PREX2: variants seen among roughly 807,000 people sequenced by gnomAD.
PREX2 encodes phosphatidylinositol-3,4,5-trisphosphate dependent Rac exchange factor 2.
In PREX2, 107 loss-of-function variants were observed where a neutral mutation model predicts 203.2. The ratio of observed to expected loss-of-function variants is 0.53; its 90% CI spans 0.45 to 0.62. PREX2 has a LOEUF of 0.62. PREX2 is among the 20% of genes least tolerant of loss of function. PREX2 has a pLI of 0.00. For missense variants in PREX2, 1,777 were observed against 1,955.9 expected (o/e 0.91, Z 1.72); for synonymous variants, 672 against 663.6 (o/e 1.01, Z -0.19).
intron 8 of PREX2, among the ~76,000 whole-genome samples, chr8:68,047,469 T>TATA (rs1808386566): frequency 8.5e-6 from 1 of 117,632 alleles, no homozygotes; most frequent in African/African-American, 3.2e-5. Context: ...ATGGATGAAT[T>TATA]TATATATATA....
chr8:68,121,902 C>T (rs1015812715), intron 30 of PREX2, among the ~76,000 whole-genome samples: 2 of 152,036 alleles, frequency 1.3e-5, no homozygotes, highest in East Asian at 3.8e-4. Context: ...GTGCTAAGGT[C>T]GAGAAACCCA....
chr8:68,227,554 C>T (rs1176158146), intron 39 of PREX2, among the ~76,000 whole-genome samples: 1 of 152,110 alleles, frequency 6.6e-6, no homozygotes, highest in Non-Finnish European at 1.5e-5. Flanking sequence ...TCCTATGAGT[C>T]TTCGATATTT....
intron 1 of PREX2, among the ~76,000 whole-genome samples, chr8:67,957,115 C>T (rs1805512593): frequency 6.6e-6 from 1 of 152,212 alleles, no homozygotes; most frequent in African/African-American, 2.4e-5. Context: ...AGAGCCATGC[C>T]TATGATCATC....
chr8:68,158,431 A>C (rs1483247848), intron 35 of PREX2, among the ~76,000 whole-genome samples: 1 of 152,112 alleles, frequency 6.6e-6, no homozygotes, highest in East Asian at 1.9e-4. Context: ...CATAGATTCA[A>C]ATTGCTCTGA....
intron 21 of PREX2, among the ~76,000 whole-genome samples, chr8:68,096,803 T>A (rs1373315061): frequency 6.6e-6 from 1 of 152,192 alleles, no homozygotes; most frequent in African/African-American, 2.4e-5. Context: ...AGACTAGTCA[T>A]GTTAGAGTGC....
intron 18 of PREX2, among the ~76,000 whole-genome samples, chr8:68,086,602 C>T (rs776426257): frequency 9.9e-5 from 15 of 152,146 alleles, no homozygotes; most frequent in East Asian, 3.8e-4. Context: ...GATGTTCCCT[C>T]GCATCTTGCA....
intron 1 of PREX2, among the ~76,000 whole-genome samples, chr8:67,978,134 C>G (rs1310616715): frequency 6.6e-6 from 1 of 152,176 alleles, no homozygotes; most frequent in Non-Finnish European, 1.5e-5. Flanking sequence ...GAATCTGACG[C>G]TATCTGTCCA....
chr8:68,202,193 C>T (rs138745743), intron 37 of PREX2, among the ~76,000 whole-genome samples: 214 of 152,246 alleles, frequency 1.4e-3, no homozygotes, highest in African/African-American at 4.9e-3. Flanking sequence ...AGCCACTGCC[C>T]CCAGCCAGGT....
chr8:68,093,802 T>C (rs896554190), intron 21 of PREX2, 80 bp downstream of exon 21: 6 of 665,172 alleles, frequency 9.0e-6, no homozygotes, highest in South Asian at 2.6e-5. Flanking sequence ...ATATTGAAGG[T>C]CCTGTACATG....
chr8:68,180,540 G>A (rs886645248), intron 35 of PREX2, among the ~76,000 whole-genome samples: 4 of 152,042 alleles, frequency 2.6e-5, no homozygotes, highest in Non-Finnish European at 2.9e-5. Context: ...AAGTTTCAAA[G>A]TGTGAATAGT....
intron 1 of PREX2, among the ~76,000 whole-genome samples, chr8:67,964,084 C>A (rs1486124345): frequency 6.6e-6 from 1 of 152,134 alleles, no homozygotes; most frequent in Admixed American, 6.5e-5. Context: ...GTGGGGGAAC[C>A]AGTATAGTAG....
intron 34 of PREX2, among the ~76,000 whole-genome samples, chr8:68,149,015 A>G (rs951479556): frequency 2.6e-5 from 4 of 152,212 alleles, no homozygotes; most frequent in Non-Finnish European, 2.9e-5. Context: ...TCTTCCTGGA[A>G]TGAAAGTTTA....
chr8:67,979,472 G>A (rs1806203965), intron 1 of PREX2, among the ~76,000 whole-genome samples: 2 of 152,052 alleles, frequency 1.3e-5, no homozygotes, highest in Non-Finnish European at 2.9e-5. Flanking sequence ...TTCAATCCCA[G>A]CACACTTACT....
intron 1 of PREX2, among the ~76,000 whole-genome samples, chr8:67,969,342 TGTC>T (rs1309568330): frequency 2.6e-5 from 4 of 152,190 alleles, no homozygotes; most frequent in South Asian, 2.1e-4. Context: ...TTTAGAGAAA[TGTC>T]GTTGCTGTTG....
Position 68,108,236 on chromosome 8 carries a change from C to T in PREX2, c.2843C>T (p.Pro948Leu). 6.2e-7 allele frequency: 1 copy of T among 1,613,952 alleles called. No individual in the cohort carries two copies. The highest frequency in any genetic ancestry group is 1.1e-5 in the South Asian group (1 of 91,074). Reference sequence around the variant, plus strand: ...GTCAATGTGATGGAAGTTTCTTATCCCAAAACATCAACCTCTTTGGGAAGT... The same window carrying T: ...GTCAATGTGATGGAAGTTTCTTATCTCAAAACATCAACCTCTTTGGGAAGT... ...CHVNVMEVSYPKTSTSLGSAF... is the reference protein window; with the variant it reads ...CHVNVMEVSYLKTSTSLGSAF... Residue 948 changes from proline to leucine, a missense_variant, in exon 24 of 40, where the codon CCC becomes CTC. Physicochemically the swap from Pro to Leu is moderately conservative, Grantham distance 98. Coordinates refer to ENST00000288368, the MANE Select transcript of PREX2 (RefSeq NM_024870.4).
At chr8:68,214,410 G>A (rs926468865) in intron 37 of PREX2, among the ~76,000 whole-genome samples, 2 of 152,120 alleles carry the variant, frequency 1.3e-5, no homozygotes, top group African/African-American at 2.4e-5. Flanking sequence ...CAAAAAAAGA[G>A]AAACCTCCTA....
At chr8:68,008,030 A>G (rs1240162543) in intron 1 of PREX2, among the ~76,000 whole-genome samples, 1 of 152,196 alleles carries the variant, frequency 6.6e-6, no homozygotes, top group Non-Finnish European at 1.5e-5. Context: ...AGTTACTTGT[A>G]TGGTCACACA....
At chr8:68,152,963 C>A (rs1811471882) in intron 34 of PREX2, among the ~76,000 whole-genome samples, 1 of 152,206 alleles carries the variant, frequency 6.6e-6, no homozygotes, top group African/African-American at 2.4e-5. Flanking sequence ...CATCTTATCA[C>A]CTCAGTCCAC....
intron 37 of PREX2, among the ~76,000 whole-genome samples, chr8:68,201,884 G>A (rs1274494537): frequency 6.6e-6 from 1 of 150,934 alleles, no homozygotes; most frequent in Non-Finnish European, 1.5e-5. Context: ...CCCAGGAAGG[G>A]AGTAAGGTAA....
Sources: allele counts gnomAD v4.1 joint callset (sites outside exome capture counted in the v4.1 genomes callset), GRCh38; gene constraint gnomAD v4.1.1; transcripts MANE v1.5; gene names NCBI Gene and HGNC (gene_info 2026-07-23, HGNC 2026-07-21).